Variants in FRMD4A observed in about 807,000 individuals in gnomAD.
FRMD4A encodes the protein FERM domain-containing protein 4A.
In FRMD4A, 29 loss-of-function variants were observed where a neutral mutation model predicts 129.1. That is an observed-to-expected ratio of 0.22 (90% CI 0.17 to 0.31). FRMD4A has a LOEUF of 0.31. FRMD4A is among the 10% of genes least tolerant of loss of function. The pLI is 1.00. For synonymous variants in FRMD4A, 634 were observed against 571.6 expected, an observed-to-expected ratio of 1.11 and a Z score of -1.56; for missense variants, 1,272 against 1,375.8, an observed-to-expected ratio of 0.92 and a Z score of 1.19.
At chr10:13,819,699 CT>C (rs769973791) in intron 3 of FRMD4A, among the ~76,000 whole-genome samples, 30,541 of 131,702 alleles carry the variant, frequency 0.23, 3,312 homozygotes, top group Admixed American at 0.27. Context: ...ATATTGTCTC[CT>C]TTTTTTTTTT....
chr10:14,062,174 G>A (rs1005219430), intron 2 of FRMD4A, among the ~76,000 whole-genome samples: 3 of 152,154 alleles, frequency 2.0e-5, no homozygotes, highest in African/African-American at 2.4e-5. Flanking sequence ...GGTTAAATAC[G>A]TGGTTAAGTA....
intron 2 of FRMD4A, among the ~76,000 whole-genome samples, chr10:13,989,362 T>C (rs1468514318): frequency 6.6e-6 from 1 of 152,164 alleles, no homozygotes; most frequent in African/African-American, 2.4e-5. Flanking sequence ...ATTGATTTTT[T>C]TTTCTTTTTT....
At chr10:14,065,346 G>C (rs1835005681) in intron 2 of FRMD4A, among the ~76,000 whole-genome samples, 4 of 152,190 alleles carry the variant, frequency 2.6e-5, no homozygotes, top group Admixed American at 1.3e-4. Context: ...ACCATACCTG[G>C]ATAATTTTTT....
intron 9 of FRMD4A, among the ~76,000 whole-genome samples, chr10:13,747,165 T>C (rs1264301549): frequency 1.8e-5 from 2 of 109,010 alleles, no homozygotes; most frequent in Non-Finnish European, 4.0e-5. Flanking sequence ...AAGGTATTCT[T>C]TTTGAAAATT....
intron 8 of FRMD4A, among the ~76,000 whole-genome samples, chr10:13,751,931 GCT>G (rs2091646151): frequency 6.6e-6 from 1 of 152,146 alleles, no homozygotes; most frequent in African/African-American, 2.4e-5. Context: ...TGGGAGGATT[GCT>G]TGAGCCCAGG....
intron 2 of FRMD4A, among the ~76,000 whole-genome samples, chr10:13,918,985 G>C (rs1173428755): frequency 1.3e-5 from 2 of 152,058 alleles, no homozygotes; most frequent in African/African-American, 4.8e-5. Flanking sequence ...AGGCATCTGT[G>C]GTCTGGTGGC....
intron 2 of FRMD4A, among the ~76,000 whole-genome samples, chr10:14,064,075 T>C (rs919901380): frequency 1.3e-5 from 2 of 152,162 alleles, no homozygotes; most frequent in Admixed American, 6.5e-5. Flanking sequence ...AATCAGAAGC[T>C]CACTAGCAAT....
chr10:13,648,625 G>A (rs967439953), intron 24 of FRMD4A: 1 of 152,146 alleles, frequency 6.6e-6, no homozygotes, highest in East Asian at 1.9e-4. Flanking sequence ...CTGAGAACTA[G>A]GTTAACAGGA....
chr10:13,907,861 T>TAA (rs34704231), intron 2 of FRMD4A, among the ~76,000 whole-genome samples: 21,497 of 145,508 alleles, frequency 0.15, 1,718 homozygotes, highest in Non-Finnish European at 0.18. Context: ...TAAAGTCACT[T>TAA]AAAAAAAAAA....
At chr10:13,897,224 C>T (rs2094768878) in intron 2 of FRMD4A, among the ~76,000 whole-genome samples, 1 of 152,218 alleles carries the variant, frequency 6.6e-6, no homozygotes, top group South Asian at 2.1e-4. Flanking sequence ...AGAAACATGG[C>T]AGCCGGGTTT....
chr10:14,268,701 C>T (rs17250709), intron 2 of FRMD4A, among the ~76,000 whole-genome samples: 2,870 of 152,280 alleles, frequency 0.019, 53 homozygotes, highest in Non-Finnish European at 0.028. Flanking sequence ...AAACACGAAG[C>T]TTGGGGACTC....
At chr10:14,215,176 G>A (rs781085553) in intron 2 of FRMD4A, among the ~76,000 whole-genome samples, 7 of 152,144 alleles carry the variant, frequency 4.6e-5, no homozygotes, top group East Asian at 1.9e-4. Flanking sequence ...TTGTCTTAAC[G>A]AAAAAGCCGT....
chr10:13,922,127 A>C (rs2095080071), intron 2 of FRMD4A, among the ~76,000 whole-genome samples: 1 of 152,224 alleles, frequency 6.6e-6, no homozygotes, highest in Admixed American at 6.5e-5. Context: ...CCTCATCAGG[A>C]ATGGAATCTG....
intron 2 of FRMD4A, among the ~76,000 whole-genome samples, chr10:13,970,247 C>T (rs537389828): frequency 3.9e-5 from 6 of 152,234 alleles, no homozygotes; most frequent in Middle Eastern, 3.4e-3. Context: ...CCTTCAAGCA[C>T]GAGAATTCTA....
chr10:13,976,385 C>A (rs1006893367), intron 2 of FRMD4A, among the ~76,000 whole-genome samples: 4 of 152,122 alleles, frequency 2.6e-5, no homozygotes, highest in African/African-American at 9.7e-5. Context: ...GAGGTGGGAC[C>A]TTGGCATGGC....
At chr10:13,819,610 C>G (rs565103971) in intron 3 of FRMD4A, among the ~76,000 whole-genome samples, 1 of 152,020 alleles carries the variant, frequency 6.6e-6, no homozygotes, top group Non-Finnish European at 1.5e-5. Context: ...GTCACTGGAA[C>G]CTGTGAGTAT....
intron 2 of FRMD4A, among the ~76,000 whole-genome samples, chr10:14,079,803 G>C (rs1835822420): frequency 6.6e-6 from 1 of 152,202 alleles, no homozygotes; most frequent in African/African-American, 2.4e-5. Flanking sequence ...TTATGCTGAG[G>C]AATTAGATGG....
chr10:13,875,839 A>G (rs1302114943), intron 2 of FRMD4A, among the ~76,000 whole-genome samples: 1 of 152,152 alleles, frequency 6.6e-6, no homozygotes, highest in Non-Finnish European at 1.5e-5. Context: ...AAGGGAGGCT[A>G]TTATTGATTA....
At chr10:13,781,368 C>CTTTTTTTTTTTTTTTT (rs1161094661) in intron 6 of FRMD4A, among the ~76,000 whole-genome samples, 1 of 70,708 alleles carries the variant, frequency 1.4e-5, no homozygotes, top group Non-Finnish European at 2.6e-5. Context: ...ATGGATGAAC[C>CTTTTTTTTTTTTTTTT]TTTTTTTTTT....
Sources: gnomAD v4.1 joint callset for allele counts (sites outside exome capture counted in the v4.1 genomes callset) on GRCh38, gnomAD v4.1.1 for gene constraint, MANE v1.5 for transcripts, NCBI Gene and HGNC (gene_info 2026-07-23, HGNC 2026-07-21) for gene names.